Variants in ADAM12 observed in about 807,000 individuals in gnomAD.
ADAM12 encodes the protein ADAM metallopeptidase domain 12.
ADAM12 carries 70 observed loss-of-function variants against 106.4 expected under a neutral mutation model. The observed-to-expected ratio is 0.66, with a 90% CI of 0.54 to 0.80. The LOEUF is 0.80. Among genes scored for constraint, ADAM12 ranks in the 30% least tolerant of loss-of-function variants. The pLI, the probability that ADAM12 is intolerant of heterozygous loss-of-function variation, is 0.00. For synonymous variants in ADAM12, 420 were observed against 433.5 expected (o/e 0.97, Z 0.39); for missense variants, 1,010 against 1,171.9 (o/e 0.86, Z 2.02).
chr10:126,377,723 C>T lies in ADAM12; in HGVS notation c.88+10335G>A, dbSNP rs144471160. ...TACTGAGAACAATATGATGCTGGAA[C>T]GGAGGTAAATAGAACAGTAGGACAA... is the stretch of plus-strand genomic sequence containing the variant. On this transcript the variant is annotated intron_variant, in intron 1 of 22. Coordinates refer to ENST00000448723, the MANE Select transcript of ADAM12 (RefSeq NM_001288973.2). Among the ~76,000 whole-genome samples, 95 of 152,180 alleles carry T rather than the reference C, an allele frequency of 6.2e-4. No homozygotes were observed. The East Asian group carries it at 0.013, about 21-fold the overall frequency.
At chr10:126,113,731 T>TATATATATATATATAA (rs1176475501) in intron 6 of ADAM12, among the ~76,000 whole-genome samples, 1 of 25,958 alleles carries the variant, frequency 3.9e-5, no homozygotes, top group African/African-American at 1.6e-4. Flanking sequence ...TATATATATA[T>TATATATATATATATAA]AATATATTGC....
At chr10:126,377,876 A>T (rs1856351270) in intron 1 of ADAM12, among the ~76,000 whole-genome samples, 1 of 152,232 alleles carries the variant, frequency 6.6e-6, no homozygotes, top group Admixed American at 6.5e-5. Context: ...CAAGAAATAA[A>T]AATTAAATTC....
chr10:126,052,522 C>T (rs1017245025), intron 14 of ADAM12, among the ~76,000 whole-genome samples: 2 of 152,188 alleles, frequency 1.3e-5, no homozygotes, highest in South Asian at 4.1e-4. Context: ...TCAGTTGATA[C>T]ATTTGTTTTC....
At chr10:126,387,601 G>A (rs150400495) in intron 1 of ADAM12, among the ~76,000 whole-genome samples, 164 of 152,080 alleles carry the variant, frequency 1.1e-3, no homozygotes, top group African/African-American at 3.7e-3. Context: ...GCCGCTGCGC[G>A]CCCCCCTAAG....
chr10:126,051,423 A>G (rs993147082), intron 14 of ADAM12, among the ~76,000 whole-genome samples: 3 of 151,380 alleles, frequency 2.0e-5, no homozygotes, highest in African/African-American at 7.3e-5. Flanking sequence ...CCATTCATCC[A>G]TCCATCCACT....
rs1841790951 is a variant in ADAM12, at chr10:126,388,201, C to A, written c.-56G>T. 4 of 1,198,518 alleles carry A rather than the reference C, an allele frequency of 3.3e-6. No individual in the cohort carries two copies. Among genetic ancestry groups the A allele is most frequent in the Non-Finnish European group, 3.1e-6 (3 of 966,346 alleles). 74.2% of individuals were successfully genotyped at this position (1,198,518 alleles called of 1,614,324 possible). A position where few individuals can be genotyped will look rare whatever the true frequency, so the allele number is the denominator to read the frequency against. On this transcript the variant is annotated 5_prime_UTR_variant, in exon 1 of 23. Transcript: ENST00000448723. The surrounding 1 kb of genome is among the most constrained non-coding windows in gnomAD (Gnocchi z 4.4). The stretch of plus-strand genomic sequence containing the variant: ...GGCCCGGCGGCGAGCGCTGCACCAT[C>A]CCACGCGGGCGCCGAGCCGGGGCCG...
At chr10:126,077,745 A>T in intron 11 of ADAM12, among the ~76,000 whole-genome samples, 1 of 152,186 alleles carries the variant, frequency 6.6e-6, no homozygotes, top group Admixed American at 6.5e-5. Context: ...ACAAAAATTA[A>T]CTCAAGATGG....
intron 3 of ADAM12, among the ~76,000 whole-genome samples, chr10:126,192,205 C>CT (rs1957515207): frequency 1.3e-5 from 2 of 152,240 alleles, no homozygotes; most frequent in South Asian, 2.1e-4. Flanking sequence ...TCTGTGACTG[C>CT]TTTTTTCATT....
chr10:126,281,298 G>A (rs1054987446), intron 2 of ADAM12, among the ~76,000 whole-genome samples: 1 of 152,080 alleles, frequency 6.6e-6, no homozygotes, highest in Non-Finnish European at 1.5e-5. Flanking sequence ...AAGTAACTTA[G>A]TTACTTTAGT....
chr10:126,050,489 G>A (rs185972754), intron 14 of ADAM12, among the ~76,000 whole-genome samples: 104 of 152,328 alleles, frequency 6.8e-4, no homozygotes, highest in African/African-American at 2.4e-3. Context: ...GCCCTGCGGC[G>A]TGGTCCCTTT....
chr10:126,193,685 T>G (rs1318446356), intron 3 of ADAM12, among the ~76,000 whole-genome samples: 1 of 152,084 alleles, frequency 6.6e-6, no homozygotes, highest in Non-Finnish European at 1.5e-5. Context: ...TCACATGAGG[T>G]CAGGGGTTCG....
chr10:126,297,946 C>A (rs116806821), intron 2 of ADAM12, among the ~76,000 whole-genome samples: 1 of 151,884 alleles, frequency 6.6e-6, no homozygotes, highest in Non-Finnish European at 1.5e-5. Context: ...TGAGGGCCTG[C>A]GAAGAGGCAG....
At chr10:126,387,913 G>A (rs1856732417) in intron 1 of ADAM12, 145 bp downstream of exon 1, 3 of 1,023,862 alleles carry the variant, frequency 2.9e-6, no homozygotes, top group Admixed American at 5.0e-5. Context: ...CGGTCTCGCC[G>A]CGCTGGAAGC....
intron 5 of ADAM12, among the ~76,000 whole-genome samples, chr10:126,124,903 A>AAAG (rs1175434448): frequency 1.3e-5 from 2 of 150,548 alleles, no homozygotes; most frequent in Admixed American, 6.6e-5. Context: ...CTCAAAAAAA[A>AAAG]AAAAAAAAGA....
In ADAM12 at chr10:126,141,813, C is replaced by T. The variant is rs545837196; in HGVS notation, c.340-6153G>A. On this transcript the variant is annotated intron_variant, in intron 4 of 22. Transcript: ENST00000448723. Reference sequence around the variant, plus strand: ...TACCAAATGAAAATTATTCTGAATGCCTTCTTTAGGGGAAATTTGTAGGGT... The same window carrying T: ...TACCAAATGAAAATTATTCTGAATGTCTTCTTTAGGGGAAATTTGTAGGGT... Among the ~76,000 whole-genome samples the T allele has an allele frequency of 2.2e-4, 34 of 152,310 alleles. 1 individual carries two copies. The highest frequency in any genetic ancestry group is 8.2e-4 in the African/African-American group (34 of 41,574).
chr10:126,164,711 C>A (rs111341402), intron 3 of ADAM12, among the ~76,000 whole-genome samples: 340 of 152,262 alleles, frequency 2.2e-3, no homozygotes, highest in African/African-American at 7.6e-3. Context: ...ACGGTATGCA[C>A]CCAGACCGGA....
chr10:126,251,887 TG>T (rs1958778518), intron 3 of ADAM12, among the ~76,000 whole-genome samples: 1 of 4,616 alleles, frequency 2.2e-4, no homozygotes, highest in East Asian at 0.012. Flanking sequence ...ATGGATGCAA[TG>T]GATGGATGGG....
chr10:126,210,058 T>C (rs570544105), intron 3 of ADAM12, among the ~76,000 whole-genome samples: 2 of 152,336 alleles, frequency 1.3e-5, no homozygotes, highest in South Asian at 4.1e-4. Context: ...TTTTGGACTT[T>C]CCAGATGCAA....
rs116311901 is a variant in ADAM12, at chr10:126,039,436, C to A, written c.2105-7G>T. On this transcript the variant is annotated splice_polypyrimidine_tract_variant and splice_region_variant and intron_variant, in intron 18 of 22. Coordinates refer to ENST00000448723, the MANE Select transcript of ADAM12 (RefSeq NM_001288973.2). ...ATGGTTAAACCTTGGTTATCTGAAA[C>A]AAAACACATGGGGCTCACAGAAGGA... is the stretch of plus-strand genomic sequence containing the variant. The A allele has an allele frequency of 6.2e-7, 1 of 1,613,738 alleles. No homozygotes were observed. The highest frequency in any genetic ancestry group is 1.7e-5 in the Admixed American group (1 of 59,994).
Sources: allele counts gnomAD v4.1 joint callset (sites outside exome capture counted in the v4.1 genomes callset), GRCh38; gene constraint gnomAD v4.1.1; non-coding constraint Gnocchi (gnomAD v3.1); transcripts MANE v1.5; gene names NCBI Gene and HGNC (gene_info 2026-07-23, HGNC 2026-07-21).